VPS13B: variants seen among roughly 807,000 people sequenced by gnomAD.
The protein encoded by VPS13B is intermembrane lipid transfer protein VPS13B.
Under a neutral mutation model 426.4 loss-of-function variants are expected in VPS13B, and 285 were observed. The observed-to-expected ratio is 0.67, with a 90% CI of 0.61 to 0.74. VPS13B has a LOEUF of 0.74. VPS13B is among the 30% of genes least tolerant of loss of function. The pLI is 0.00. For synonymous variants in VPS13B, 1,676 were observed against 1,676.4 expected, an observed-to-expected ratio of 1.00 and a Z score of 0.01; for missense variants, 4,537 against 4,782.6, an observed-to-expected ratio of 0.95 and a Z score of 1.51.
chr8:99,047,151 T>C (rs992124659), intron 3 of VPS13B, among the ~76,000 whole-genome samples: 1 of 152,200 alleles, frequency 6.6e-6, no homozygotes, highest in Admixed American at 6.5e-5. Context: ...TGAATGCATA[T>C]GGTCCTGGAC....
intron 25 of VPS13B, among the ~76,000 whole-genome samples, chr8:99,493,730 T>C: frequency 7.1e-6 from 1 of 140,308 alleles, no homozygotes. Context: ...TGCAGTGAGC[T>C]GAGATCGTGC....
At position 99,302,341 on chromosome 8, in the gene VPS13B, T is replaced by G. The variant is rs773122637; in HGVS notation, c.2824+27087T>G. On this transcript the variant is annotated intron_variant, in intron 19 of 61. Transcript: ENST00000357162. The stretch of plus-strand genomic sequence containing the variant: ...TACTGTAAGTTGGAAATACTGTAAG[T>G]TGACAATGCATTTAATATGCCTAAC... 4.6e-5 allele frequency among the ~76,000 whole-genome samples: 7 copies of G among 152,226 alleles called. 1 individual carries two copies. The highest frequency in any genetic ancestry group is 1.0e-4 in the Non-Finnish European group (7 of 68,036).
At chr8:99,434,578 C>A (rs1011579511) in intron 22 of VPS13B, among the ~76,000 whole-genome samples, 5 of 152,092 alleles carry the variant, frequency 3.3e-5, no homozygotes, top group African/African-American at 1.2e-4. Flanking sequence ...AAATACATAC[C>A]TGCCATAAAA....
rs77318939 is a variant in VPS13B at position 99,861,126 on chromosome 8, C to G, written c.11045-650C>G. 4.2e-3 allele frequency among the ~76,000 whole-genome samples: 634 copies of G among 152,250 alleles called. 20 individuals are homozygous for G. The East Asian group carries it at 0.091, about 22-fold the overall frequency. ...CAGATTTTAACCTTCAAAATTGGGC[C>G]TCAGTGAAGGCATCAATACTGTTTT... On this transcript the variant is annotated intron_variant, in intron 57 of 61. Transcript: ENST00000357162.
chr8:99,543,168 A>G (rs978477699), intron 30 of VPS13B, among the ~76,000 whole-genome samples: 1 of 152,028 alleles, frequency 6.6e-6, no homozygotes, highest in African/African-American at 2.4e-5. Context: ...CAGATCTACA[A>G]CTATCTGATC....
rs147548174 is a variant in VPS13B at position 99,875,133 on chromosome 8, A to G, written c.11746-285A>G. ...GACAGATGTTTTAATGGTGAGTAGA[A>G]TGTTATCAAATCGTCAACTTCAAAC... On this transcript the variant is annotated intron_variant, in intron 61 of 61. Transcript: ENST00000357162. 1,422 of 456,050 alleles carry G rather than the reference A, an allele frequency of 3.1e-3. 12 individuals carry two copies. The highest frequency in any genetic ancestry group is 0.026 in the African/African-American group (1,322 of 50,738). 28.3% of individuals were successfully genotyped at this position (456,050 alleles called of 1,614,324 possible). A position where few individuals can be genotyped will look rare whatever the true frequency, so the allele number is the denominator to read the frequency against.
chr8:99,233,869 A>G (rs1588160858), intron 17 of VPS13B: 1 of 780,156 alleles, frequency 1.3e-6, no homozygotes, highest in Non-Finnish European at 2.4e-6. Context: ...GCATGCTTTC[A>G]AGAATCGTGT....
chr8:99,742,172 TACCATCAGAGAATACTATAAAC>T (rs1195826825), intron 39 of VPS13B, among the ~76,000 whole-genome samples: 2 of 152,154 alleles, frequency 1.3e-5, no homozygotes, highest in African/African-American at 4.8e-5. Context: ...AAATACAAAC[TACCATCAGAGAATACTATAAAC>T]ACCTCTACGC....
At chr8:99,043,590 C>G (rs920042328) in intron 3 of VPS13B, among the ~76,000 whole-genome samples, 8 of 152,116 alleles carry the variant, frequency 5.3e-5, no homozygotes, top group African/African-American at 1.9e-4. Context: ...TGTGACCTGA[C>G]TATATAATCA....
At chr8:99,212,414 C>T (rs1815141943) in intron 17 of VPS13B, among the ~76,000 whole-genome samples, 6 of 152,188 alleles carry the variant, frequency 3.9e-5, no homozygotes, top group African/African-American at 1.4e-4. Context: ...AACCATCAGA[C>T]AAATAGGCTC....
At chr8:99,572,313 A>T (rs948558847) in intron 31 of VPS13B, among the ~76,000 whole-genome samples, 3 of 152,040 alleles carry the variant, frequency 2.0e-5, no homozygotes, top group African/African-American at 7.2e-5. Context: ...GAAATTAATA[A>T]TTTTTTTATT....
chr8:99,652,283 C>T (rs1053370646), intron 34 of VPS13B, among the ~76,000 whole-genome samples: 32 of 152,058 alleles, frequency 2.1e-4, no homozygotes, highest in Non-Finnish European at 8.8e-5. Context: ...CTGTTTATGC[C>T]TCAGTTTCCT....
In VPS13B at chr8:99,143,018, T is replaced by G; in HGVS notation, c.1696T>G (p.Leu566Val). ...CTTTTCTTCAGGGAAAAGTGAAGATTTGGGAACAGTTCAGGAGAAGTCCAC... is the reference window on the plus strand; with the variant it reads ...CTTTTCTTCAGGGAAAAGTGAAGATGTGGGAACAGTTCAGGAGAAGTCCAC... ...QDFSSGKSED[L>V]GTVQEKSTKS... The change falls in exon 13 of 62, where the codon TTG (leucine) becomes GTG (valine). Residue 566 changes from leucine to valine, a missense_variant. By Grantham distance (32) the Leu-to-Val change is conservative. Around this residue, in one of 2 missense-constraint regions of VPS13B, gnomAD observed 4,311 missense variants for 4,474.3 expected, o/e 0.96. Transcript: ENST00000357162. 1 of 1,613,786 alleles carries G rather than the reference T, an allele frequency of 6.2e-7. No individual in the cohort carries two copies. The highest frequency in any genetic ancestry group is 8.5e-7 in the Non-Finnish European group (1 of 1,179,892).
chr8:99,828,392 CCGTTT>C (rs1814823574), intron 51 of VPS13B, among the ~76,000 whole-genome samples: 26 of 47,640 alleles, frequency 5.5e-4, no homozygotes, highest in Admixed American at 1.2e-3. Context: ...ATTACAACCA[CCGTTT>C]TTTTTTTTTT....
At chr8:99,510,595 C>T (rs112864249) in intron 28 of VPS13B, among the ~76,000 whole-genome samples, 4,974 of 152,226 alleles carry the variant, frequency 0.033, 106 homozygotes, top group Non-Finnish European at 0.047. Context: ...CTCTGCCTCC[C>T]GGGTTGAAGC....
At chr8:99,419,693 A>G (rs901774718) in intron 21 of VPS13B, among the ~76,000 whole-genome samples, 2 of 152,218 alleles carry the variant, frequency 1.3e-5, no homozygotes, top group Non-Finnish European at 2.9e-5. Context: ...TAAAATTTCA[A>G]ATAAAAATGA....
chr8:99,566,528 C>T (rs1825199599), intron 31 of VPS13B, among the ~76,000 whole-genome samples: 1 of 151,956 alleles, frequency 6.6e-6, no homozygotes, highest in Non-Finnish European at 1.5e-5. Flanking sequence ...GCAGTCTCCG[C>T]CTCCTGGGTT....
chr8:99,082,021 C>G (rs1034979622), intron 3 of VPS13B, among the ~76,000 whole-genome samples: 1 of 152,044 alleles, frequency 6.6e-6, no homozygotes, highest in Non-Finnish European at 1.5e-5. Context: ...GTTCTAGATC[C>G]CTGAGGAATC....
chr8:99,325,556 C>T (rs1810205109), intron 19 of VPS13B, among the ~76,000 whole-genome samples: 1 of 152,152 alleles, frequency 6.6e-6, no homozygotes, highest in South Asian at 2.1e-4. Context: ...ATGTATTATT[C>T]AAAGCAACCT....
Sources: allele counts gnomAD v4.1 joint callset (sites outside exome capture counted in the v4.1 genomes callset), GRCh38; gene constraint gnomAD v4.1.1; regional missense constraint gnomAD v4.1.1; transcripts MANE v1.5; gene names NCBI Gene and HGNC (gene_info 2026-07-23, HGNC 2026-07-21).